Variants in UNC5D observed in about 807,000 individuals in gnomAD.
UNC5D encodes the protein netrin receptor UNC5D.
Under a neutral mutation model 105.4 loss-of-function variants are expected in UNC5D, and 39 were observed. The ratio of observed to expected loss-of-function variants is 0.37; its 90% CI spans 0.29 to 0.48. The LOEUF is 0.48. UNC5D is among the 20% of genes least tolerant of loss of function. UNC5D has a pLI of 0.98. For missense variants in UNC5D, 991 were observed against 1,202.4 expected (o/e 0.82, Z 2.60); for synonymous variants, 452 against 450.4 (o/e 1.00, Z -0.04).
intron 4 of UNC5D, among the ~76,000 whole-genome samples, chr8:35,602,613 G>T (rs1819967232): frequency 1.3e-5 from 2 of 152,098 alleles, no homozygotes; most frequent in South Asian, 2.1e-4. Context: ...TTCTCTGATG[G>T]CAGTTTGTAT....
At chr8:35,544,345 G>A (rs1007655734) in intron 1 of UNC5D, 181 of 1,553,214 alleles carry the variant, frequency 1.2e-4, no homozygotes, top group Middle Eastern at 3.5e-4. Flanking sequence ...AGCTGTATCA[G>A]TGAGGAACGT....
chr8:35,416,417 A>G (rs184352103), intron 1 of UNC5D, among the ~76,000 whole-genome samples: 5 of 152,292 alleles, frequency 3.3e-5, no homozygotes, highest in Admixed American at 6.5e-5. Flanking sequence ...AAAAATGACT[A>G]ATTGAGAACA....
chr8:35,676,529 A>C (rs1199521693), intron 4 of UNC5D, among the ~76,000 whole-genome samples: 1 of 152,368 alleles, frequency 6.6e-6, no homozygotes, highest in African/African-American at 2.4e-5. Flanking sequence ...TTGATCCCAT[A>C]ATGCTAATTT....
intron 1 of UNC5D, among the ~76,000 whole-genome samples, chr8:35,439,064 G>A (rs895963970): frequency 6.6e-6 from 1 of 151,830 alleles, no homozygotes; most frequent in African/African-American, 2.4e-5. Context: ...GTGACCTTGG[G>A]CAAATTATTT....
intron 1 of UNC5D, among the ~76,000 whole-genome samples, chr8:35,374,273 G>C (rs1340290850): frequency 3.3e-5 from 5 of 152,170 alleles, no homozygotes; most frequent in Non-Finnish European, 5.9e-5. Flanking sequence ...TTCCTAGCCA[G>C]GTGTCCAAAG....
chr8:35,243,453 T>C (rs1488480029), intron 1 of UNC5D, among the ~76,000 whole-genome samples: 2 of 152,180 alleles, frequency 1.3e-5, no homozygotes, highest in African/African-American at 4.8e-5. Flanking sequence ...ATTTATTTCT[T>C]GTCATAAAGA....
chr8:35,238,917 G>A (rs1322085930), intron 1 of UNC5D, among the ~76,000 whole-genome samples: 2 of 152,110 alleles, frequency 1.3e-5, no homozygotes, highest in African/African-American at 4.8e-5. Context: ...AATGAATGTT[G>A]TGAGGCCACC....
At chr8:35,591,841 A>C (rs1427733935) in intron 3 of UNC5D, among the ~76,000 whole-genome samples, 1 of 152,172 alleles carries the variant, frequency 6.6e-6, no homozygotes, top group Non-Finnish European at 1.5e-5. Context: ...CACCATAAGC[A>C]CACTAGTAGA....
intron 3 of UNC5D, among the ~76,000 whole-genome samples, chr8:35,572,202 C>T (rs2918971): frequency 7.5e-6 from 1 of 133,216 alleles, no homozygotes; most frequent in Non-Finnish European, 1.5e-5. Flanking sequence ...GTGGGAGGAT[C>T]GTTTGAGCCC....
intron 8 of UNC5D, among the ~76,000 whole-genome samples, chr8:35,717,381 G>A (rs1431149941): frequency 6.6e-6 from 1 of 152,092 alleles, no homozygotes; most frequent in Admixed American, 6.5e-5. Flanking sequence ...GTAAAGAAAA[G>A]GAGGAAAACC....
intron 14 of UNC5D, among the ~76,000 whole-genome samples, chr8:35,766,619 G>C (rs1249666604): frequency 6.6e-6 from 1 of 152,166 alleles, no homozygotes; most frequent in Non-Finnish European, 1.5e-5. Flanking sequence ...CTTTCTAATT[G>C]TGTGTCACCA....
At chr8:35,348,825 G>A (rs1279826583) in intron 1 of UNC5D, among the ~76,000 whole-genome samples, 1 of 151,612 alleles carries the variant, frequency 6.6e-6, no homozygotes. Flanking sequence ...ACTATCTCAG[G>A]ACACCTTTAG....
intron 1 of UNC5D, among the ~76,000 whole-genome samples, chr8:35,299,753 T>A (rs1265036745): frequency 6.6e-6 from 1 of 152,180 alleles, no homozygotes; most frequent in East Asian, 1.9e-4. Context: ...AAATATTAGA[T>A]GTTTTGCTAT....
At chr8:35,686,403 A>C (rs895059571) in intron 6 of UNC5D, 142 bp from the exon 7 acceptor site, 2 of 881,472 alleles carry the variant, frequency 2.3e-6, no homozygotes, top group Non-Finnish European at 3.2e-6. Flanking sequence ...CATGGAGAGA[A>C]GATAAGTGGA....
At chr8:35,393,551 A>G (rs546770879) in intron 1 of UNC5D, among the ~76,000 whole-genome samples, 1 of 152,260 alleles carries the variant, frequency 6.6e-6, no homozygotes, top group East Asian at 1.9e-4. Flanking sequence ...TGTCATGTAG[A>G]TCATTCTCAG....
intron 1 of UNC5D, among the ~76,000 whole-genome samples, chr8:35,483,371 A>G (rs537029919): frequency 6.6e-6 from 1 of 152,196 alleles, no homozygotes; most frequent in Non-Finnish European, 1.5e-5. Context: ...CTAACTTGCC[A>G]TAAATAGTTC....
chr8:35,460,943 G>T (rs367980007), intron 1 of UNC5D, among the ~76,000 whole-genome samples: 2 of 152,140 alleles, frequency 1.3e-5, no homozygotes, highest in African/African-American at 4.8e-5. Flanking sequence ...AACAAAACAG[G>T]GCATGTGATC....
intron 4 of UNC5D, among the ~76,000 whole-genome samples, chr8:35,624,268 C>G (rs982260827): frequency 6.6e-6 from 1 of 152,150 alleles, no homozygotes; most frequent in Non-Finnish European, 1.5e-5. Context: ...TAGTGGAAGC[C>G]ACAATCTCTT....
chr8:35,509,122 C>T (rs1253164847), intron 1 of UNC5D, among the ~76,000 whole-genome samples: 1 of 151,976 alleles, frequency 6.6e-6, no homozygotes, highest in African/African-American at 2.4e-5. Flanking sequence ...CCAAGTGTTC[C>T]CTTTCCCCAG....
Sources: allele counts gnomAD v4.1 joint callset (sites outside exome capture counted in the v4.1 genomes callset), GRCh38; gene constraint gnomAD v4.1.1; transcripts MANE v1.5; gene names NCBI Gene and HGNC (gene_info 2026-07-23, HGNC 2026-07-21).